The following WNK1 variants were observed in gnomAD, a reference collection of about 807,000 sequenced individuals.
The protein encoded by WNK1 is WNK lysine deficient protein kinase 1.
A neutral mutation model predicts 222.8 loss-of-function variants in WNK1; 38 were observed. The ratio of observed to expected loss-of-function variants is 0.17; its 90% CI spans 0.13 to 0.22. WNK1 has a LOEUF of 0.22. Ranked by LOEUF, WNK1 falls within the 10% of genes least tolerant of loss-of-function variation. WNK1 has a pLI of 1.00. For missense variants in WNK1, 2,348 were observed against 2,918.4 expected (o/e 0.80, Z 4.50); for synonymous variants, 1,090 against 1,092.9 (o/e 1.00, Z 0.05).
At chr12:822,087 C>CTTTTTTTT (rs376271992) in intron 2 of WNK1, among the ~76,000 whole-genome samples, 37 of 71,466 alleles carry the variant, frequency 5.2e-4, no homozygotes, top group South Asian at 6.2e-4. Flanking sequence ...TGTCTTATAC[C>CTTTTTTTT]TTTTTTTTTT....
chr12:901,007 A>T (rs1445989345), intron 26 of WNK1: 1 of 382,290 alleles, frequency 2.6e-6, no homozygotes, highest in Non-Finnish European at 5.0e-6. Context: ...GCAGTTTCTG[A>T]AGCTAATACA....
intron 2 of WNK1, among the ~76,000 whole-genome samples, chr12:823,984 G>A (rs1453465482): frequency 1.4e-5 from 2 of 144,972 alleles, no homozygotes; most frequent in African/African-American, 5.1e-5. Context: ...TCGGCTAACT[G>A]CAACCTCTGC....
chr12:767,704 C>G (rs1243995848), intron 1 of WNK1, among the ~76,000 whole-genome samples: 1 of 152,182 alleles, frequency 6.6e-6, no homozygotes, highest in African/African-American at 2.4e-5. Context: ...CAGTTTATGT[C>G]ATTGAAGTAC....
At chr12:784,956 A>G (rs1944120224) in intron 1 of WNK1, among the ~76,000 whole-genome samples, 1 of 152,186 alleles carries the variant, frequency 6.6e-6, no homozygotes, top group African/African-American at 2.4e-5. Flanking sequence ...GAGAACTTAC[A>G]TGTCTGAAAA....
intron 1 of WNK1, among the ~76,000 whole-genome samples, chr12:762,435 T>G (rs1941153686): frequency 6.8e-6 from 1 of 147,904 alleles, no homozygotes; most frequent in African/African-American, 2.4e-5. Context: ...CTGTAGTGTT[T>G]TAAAATTCAT....
intron 9 of WNK1, among the ~76,000 whole-genome samples, chr12:876,669 G>A (rs764822064): frequency 2.6e-5 from 4 of 152,220 alleles, no homozygotes; most frequent in Non-Finnish European, 1.5e-5. Flanking sequence ...CAGCACATAC[G>A]TAAAAGGCTG....
In WNK1 at chr12:753,993, C is replaced by T. The variant is rs1231436981; in HGVS notation, c.428C>T (p.Pro143Leu). 6.3e-7 allele frequency: 1 copy of T among 1,591,760 alleles called. No individual in the cohort carries two copies. The highest frequency in any genetic ancestry group is 8.5e-7 in the Non-Finnish European group (1 of 1,169,680). The change falls in exon 1 of 28, where the codon CCT becomes CTT. Residue 143 changes from proline (P) to leucine (L), a missense_variant. Pro to Leu is a moderately conservative substitution (Grantham distance 98). Transcript: ENST00000315939. The surrounding 1 kb of genome is among the most constrained non-coding windows in gnomAD (Gnocchi z 5.2). ...VAQQPPAAAA[P>L]GEQAVAGPAP... ...CAGCAGCCTCCAGCCGCTGCCGCCC[C>T]TGGGGAACAGGCCGTCGCGGGCCCT...
intron 1 of WNK1, among the ~76,000 whole-genome samples, chr12:768,261 A>G (rs1408888549): frequency 1.3e-5 from 2 of 152,074 alleles, no homozygotes; most frequent in Non-Finnish European, 2.9e-5. Context: ...TCAACCTCCC[A>G]AGTAGCTGGG....
intron 1 of WNK1, among the ~76,000 whole-genome samples, chr12:786,134 A>G (rs1454916506): frequency 6.6e-6 from 1 of 151,540 alleles, no homozygotes; most frequent in Non-Finnish European, 1.5e-5. Context: ...TTATTAAGGG[A>G]AAAAATCTGT....
chr12:868,493 G>C (rs372477108), intron 8 of WNK1: 6 of 1,613,952 alleles, frequency 3.7e-6, no homozygotes, highest in East Asian at 4.5e-5. Context: ...ATTGGGTCCG[G>C]GATCTCCCCT....
At chr12:865,471 T>A in intron 8 of WNK1, 1 of 1,376,680 alleles carries the variant, frequency 7.3e-7, no homozygotes, top group Non-Finnish European at 9.6e-7. Context: ...TAAACTTGGT[T>A]ATATTATGCT....
At chr12:855,960 C>T (rs1260469361) in intron 4 of WNK1, among the ~76,000 whole-genome samples, 1 of 152,084 alleles carries the variant, frequency 6.6e-6, no homozygotes, top group East Asian at 2.0e-4. Context: ...CTGCCTCAGC[C>T]TCCCGAGTAG....
intron 4 of WNK1, among the ~76,000 whole-genome samples, chr12:835,558 C>T (rs961828361): frequency 6.6e-6 from 1 of 152,056 alleles, no homozygotes; most frequent in South Asian, 2.1e-4. Flanking sequence ...TAAACTGTGA[C>T]CAAGCACTAT....
At chr12:902,744 T>C (rs182258823) in intron 26 of WNK1, among the ~76,000 whole-genome samples, 17 of 152,320 alleles carry the variant, frequency 1.1e-4, no homozygotes, top group East Asian at 5.8e-4. Flanking sequence ...GCTAAGATCA[T>C]GTACAGAGAA....
chr12:839,528 G>T (rs1284657752), intron 4 of WNK1, among the ~76,000 whole-genome samples: 1 of 152,128 alleles, frequency 6.6e-6, no homozygotes, highest in African/African-American at 2.4e-5. Flanking sequence ...TTGTGAATTA[G>T]ATTTGAGCTA....
chr12:786,968 T>C (rs1457464577), intron 1 of WNK1, among the ~76,000 whole-genome samples: 1 of 152,162 alleles, frequency 6.6e-6, no homozygotes, highest in Non-Finnish European at 1.5e-5. Context: ...GAGTTGGTCT[T>C]CTTCCTGCCT....
At chr12:894,246 CTCAG>C (rs1477236443) in intron 22 of WNK1, among the ~76,000 whole-genome samples, 5 of 152,046 alleles carry the variant, frequency 3.3e-5, no homozygotes, top group African/African-American at 4.8e-5. Flanking sequence ...CCTTAATGTC[CTCAG>C]TAAAATCTCA....
intron 8 of WNK1, among the ~76,000 whole-genome samples, chr12:864,688 G>C (rs369817434): frequency 2.0e-5 from 3 of 152,222 alleles, no homozygotes; most frequent in African/African-American, 7.2e-5. Flanking sequence ...AAAATTCTCT[G>C]TATCTTTTAA....
chr12:884,375 A>C lies in WNK1; in HGVS notation c.3844+132A>C, dbSNP rs1332679620. 7.3e-7 allele frequency: 1 copy of C among 1,377,538 alleles called. No homozygotes were observed. Among genetic ancestry groups the C allele is most frequent in the Non-Finnish European group, 1.0e-6 (1 of 984,920 alleles). The allele number at this position is 1,377,538 out of a possible 1,614,324, so 85.3% of individuals were successfully genotyped here. On this transcript the variant is annotated intron_variant, in intron 18 of 27. Coordinates refer to ENST00000315939, the MANE Select transcript of WNK1 (RefSeq NM_018979.4). The surrounding 1 kb of genome is among the most constrained non-coding windows in gnomAD (Gnocchi z 5.6). ...AGAATAGAAAACTGAAGTTATAACC[A>C]ACAGATAAACATATGGGAGAGGGAA... is the stretch of plus-strand genomic sequence containing the variant.
Sources: allele counts gnomAD v4.1 joint callset (sites outside exome capture counted in the v4.1 genomes callset), GRCh38; gene constraint gnomAD v4.1.1; non-coding constraint Gnocchi (gnomAD v3.1); transcripts MANE v1.5; gene names NCBI Gene and HGNC (gene_info 2026-07-23, HGNC 2026-07-21).